Variants in DOC2B observed in about 807,000 individuals in gnomAD.
The protein encoded by DOC2B is double C2 domain beta.
DOC2B carries 21 observed loss-of-function variants against 28.9 expected under a neutral mutation model. The observed-to-expected ratio is 0.73, with a 90% CI of 0.52 to 1.05. DOC2B has a LOEUF of 1.05. Ranked by LOEUF, DOC2B falls within the 50% of genes least tolerant of loss-of-function variation. The pLI is 0.00. For synonymous variants in DOC2B, 194 were observed against 178.1 expected (o/e 1.09, Z -0.71); for missense variants, 384 against 421.1 (o/e 0.91, Z 0.77).
chr17:156,141 G>C, intron 6 of DOC2B, 79 bp downstream of exon 6: 1 of 1,450,524 alleles, frequency 6.9e-7, no homozygotes, highest in Middle Eastern at 2.2e-4. Flanking sequence ...CCTGCCACCT[G>C]GGACCACGGA....
intron 5 of DOC2B, among the ~76,000 whole-genome samples, chr17:160,095 C>T (rs2040183511): frequency 6.6e-6 from 1 of 151,622 alleles, no homozygotes; most frequent in Non-Finnish European, 1.5e-5. Flanking sequence ...AGCGATTCTC[C>T]TGCCTCAGCC....
intron 6 of DOC2B, among the ~76,000 whole-genome samples, chr17:155,653 C>CT (rs1313120234): frequency 6.6e-6 from 1 of 152,222 alleles, no homozygotes; most frequent in Non-Finnish European, 1.5e-5. Context: ...GCTCTCAGAG[C>CT]TACACAGCCT....
At chr17:157,057 G>A (rs541838581) in intron 5 of DOC2B, among the ~76,000 whole-genome samples, 3 of 152,330 alleles carry the variant, frequency 2.0e-5, no homozygotes, top group Admixed American at 6.5e-5. Flanking sequence ...GAGCTGCATG[G>A]TGGCCACAGA....
At chr17:156,096 C>G (rs1555522424) in intron 6 of DOC2B, 124 bp downstream of exon 6, 2 of 1,120,166 alleles carry the variant, frequency 1.8e-6, no homozygotes, top group African/African-American at 3.2e-5. Context: ...CATCAGGGAA[C>G]ACAGCGCCCC....
At chr17:178,056 C>T (rs1346639614) in intron 1 of DOC2B, among the ~76,000 whole-genome samples, 1 of 152,200 alleles carries the variant, frequency 6.6e-6, no homozygotes, top group Non-Finnish European at 1.5e-5. Flanking sequence ...GAAAAGGAAT[C>T]GGTCCTTACC....
chr17:163,756 G>A (rs925811189), intron 3 of DOC2B: 4 of 209,956 alleles, frequency 1.9e-5, no homozygotes, highest in Admixed American at 1.0e-4. Context: ...ACAGAAACCT[G>A]TTTAACAATG....
At chr17:156,511 A>G in intron 5 of DOC2B, 134 bp from the exon 6 acceptor site, 1 of 918,668 alleles carries the variant, frequency 1.1e-6, no homozygotes, top group Non-Finnish European at 1.6e-6. Context: ...GAGTGGCCTC[A>G]CTGTGAACTC....
intron 6 of DOC2B, among the ~76,000 whole-genome samples, chr17:155,073 T>C (rs528452674): frequency 1.3e-5 from 2 of 152,282 alleles, no homozygotes; most frequent in East Asian, 1.9e-4. Flanking sequence ...TCTCAGTATG[T>C]TGCCAAGGCT....
rs2040002013 is a variant in DOC2B at position 144,046 on chromosome 17, C to A, written c.*3395G>T. ...AGGTGACCGCTTCGGGGCTGGAAGA[C>A]GGGCCCGTCGGGGATTGGCGCAGGC... On this transcript the variant is annotated 3_prime_UTR_variant, in exon 9 of 9. Coordinates refer to ENST00000613549, the MANE Select transcript of DOC2B (RefSeq NM_003585.5). 1 of 90,574 alleles carries A rather than the reference C, an allele frequency of 1.1e-5. No individual in the cohort carries two copies. The highest frequency in any genetic ancestry group is 3.6e-4 in the East Asian group (1 of 2,794). The allele number at this position is 90,574 out of a possible 1,614,324, so 5.6% of individuals were successfully genotyped here.
At chr17:172,927 C>G (rs1450097149) in intron 1 of DOC2B, among the ~76,000 whole-genome samples, 2 of 152,236 alleles carry the variant, frequency 1.3e-5, no homozygotes, top group African/African-American at 4.8e-5. Context: ...AAAGGAGTTC[C>G]TGCCCTCCTG....
intron 8 of DOC2B, 103 bp downstream of exon 8, chr17:148,070 G>A: frequency 2.5e-6 from 1 of 397,416 alleles, no homozygotes; most frequent in Non-Finnish European, 4.4e-6. Context: ...CTAGGGGCAG[G>A]TGGTCCGTGG....
intron 1 of DOC2B, among the ~76,000 whole-genome samples, chr17:177,536 C>T (rs1397530123): frequency 1.3e-5 from 2 of 152,246 alleles, no homozygotes; most frequent in Non-Finnish European, 2.9e-5. Flanking sequence ...TCCTCCCAGT[C>T]TTAGGGCTGA....
chr17:163,757 T>G, intron 3 of DOC2B: 1 of 211,514 alleles, frequency 4.7e-6, no homozygotes, highest in Non-Finnish European at 9.7e-6. Context: ...CAGAAACCTG[T>G]TTAACAATGT....
Position 164,544 on chromosome 17 carries a change from G to A in DOC2B, c.454-340C>T, listed in dbSNP as rs578232158. ...AGGCCCTGCCATCATCCTGACTCCC[G>A]TCTCCCATCTACCAAGCGTGGCCTC... On this transcript the variant is annotated intron_variant, in intron 2 of 8. Coordinates refer to ENST00000613549, the MANE Select transcript of DOC2B (RefSeq NM_003585.5). 9.2e-5 allele frequency among the ~76,000 whole-genome samples: 14 copies of A among 152,142 alleles called. No individual in the cohort carries two copies. The South Asian group carries it at 1.7e-3, about 18-fold the overall frequency.
chr17:181,089 G>T lies in DOC2B; in HGVS notation c.373+18C>A. The T allele has an allele frequency of 8.1e-7, 1 of 1,237,254 alleles. No homozygotes were observed. The highest frequency in any genetic ancestry group is 3.1e-5 in the South Asian group (1 of 31,992). 76.6% of individuals were successfully genotyped at this position (1,237,254 alleles called of 1,614,324 possible). On this transcript the variant is annotated intron_variant, in intron 1 of 8. Coordinates refer to ENST00000613549, the MANE Select transcript of DOC2B (RefSeq NM_003585.5). The surrounding 1 kb of genome is among the most constrained non-coding windows in gnomAD (Gnocchi z 7.0). ...GAGCCAGGGGAGGGGGCGCGAAGTC[G>T]GCGCGTGGGAAACTTACTGCAGTCG...
At chr17:173,844 T>A (rs2040339783) in intron 1 of DOC2B, among the ~76,000 whole-genome samples, 1 of 152,140 alleles carries the variant, frequency 6.6e-6, no homozygotes, top group African/African-American at 2.4e-5. Flanking sequence ...CTTGAAAGAC[T>A]GTGTTCTTCA....
chr17:150,491 T>G (rs1215514790), intron 6 of DOC2B, among the ~76,000 whole-genome samples: 2 of 111,968 alleles, frequency 1.8e-5, no homozygotes, highest in Non-Finnish European at 3.9e-5. Context: ...CCAGAAAGGC[T>G]GCATGGTTGA....
intron 1 of DOC2B, among the ~76,000 whole-genome samples, chr17:175,951 T>C (rs2040365116): frequency 6.6e-6 from 1 of 152,236 alleles, no homozygotes. Flanking sequence ...ATGAATTTCT[T>C]TGAACTCCAC....
chr17:164,151 G>A lies in DOC2B; in HGVS notation c.507C>T (p.His169=), dbSNP rs998954197. The A allele has an allele frequency of 6.0e-5, 93 of 1,553,454 alleles. 1 individual carries two copies. The Admixed American group carries it at 1.2e-3, about 21-fold the overall frequency. ...TCACCTTACTGGCTCCTGGCAGCAG[G>A]TGCAGCTTGACGTAGGGGTCTGCCA... is the stretch of plus-strand genomic sequence containing the variant. ...NGLADPYVKL[H]LLPGASKANK... is the part of the protein sequence containing the mutation. The change falls in exon 3 of 9, where the codon CAC becomes CAT. Residue 169 remains histidine (H), a synonymous_variant. Coordinates refer to ENST00000613549, the MANE Select transcript of DOC2B (RefSeq NM_003585.5).
Sources: gnomAD v4.1 joint callset for allele counts (sites outside exome capture counted in the v4.1 genomes callset) on GRCh38, gnomAD v4.1.1 for gene constraint, Gnocchi (gnomAD v3.1) non-coding constraint, MANE v1.5 for transcripts, NCBI Gene and HGNC (gene_info 2026-07-23, HGNC 2026-07-21) for gene names.